The following ENTREP2 variants were observed in gnomAD, a reference collection of about 807,000 sequenced individuals.
ENTREP2 encodes the protein protein ENTREP2.
the ENTREP2 span, among the ~76,000 whole-genome samples, chr15:29,491,534 C>G: frequency 8.5e-5 from 13 of 152,200 alleles, no homozygotes; most frequent in East Asian, 2.5e-3. Context: ...CCTAGGGTCC[C>G]TAGGTTTCAT....
the ENTREP2 span, among the ~76,000 whole-genome samples, chr15:29,231,890 C>CTTTTTTTTTTTT: frequency 8.8e-5 from 12 of 136,828 alleles, no homozygotes; most frequent in South Asian, 2.3e-4. Flanking sequence ...CTTTTCTTTT[C>CTTTTTTTTTTTT]TTTCTTTTTT....
the ENTREP2 span, among the ~76,000 whole-genome samples, chr15:29,235,833 G>A: frequency 1.4e-4 from 21 of 152,066 alleles, no homozygotes; most frequent in African/African-American, 3.9e-4. Flanking sequence ...GCATGGTGGC[G>A]GGTGCCTGTA....
chr15:29,379,760 C>T, the ENTREP2 span, among the ~76,000 whole-genome samples: 1 of 152,126 alleles, frequency 6.6e-6, no homozygotes, highest in Non-Finnish European at 1.5e-5. Context: ...TGTGAGATTC[C>T]TGATGCTGAG....
chr15:29,217,828 G>C, the ENTREP2 span, among the ~76,000 whole-genome samples: 1 of 152,088 alleles, frequency 6.6e-6, no homozygotes, highest in Admixed American at 6.6e-5. Context: ...TTAAAGTTTT[G>C]TCATATTACC....
the ENTREP2 span, among the ~76,000 whole-genome samples, chr15:29,184,710 G>A: frequency 1.0e-3 from 155 of 152,270 alleles, no homozygotes; most frequent in African/African-American, 3.6e-3. Flanking sequence ...AAACCAGCCC[G>A]GGACCAGCGC....
At chr15:29,473,408 T>C in the ENTREP2 span, among the ~76,000 whole-genome samples, 2 of 152,088 alleles carry the variant, frequency 1.3e-5, no homozygotes, top group East Asian at 1.9e-4. Flanking sequence ...GTTCCCCCCA[T>C]GTAGAGGATT....
chr15:29,371,051 C>CA, the ENTREP2 span, among the ~76,000 whole-genome samples: 1 of 152,054 alleles, frequency 6.6e-6, no homozygotes, highest in African/African-American at 2.4e-5. Flanking sequence ...TCATCATCAT[C>CA]TGTCATCATC....
the ENTREP2 span, among the ~76,000 whole-genome samples, chr15:29,589,326 T>G: frequency 6.6e-6 from 1 of 152,238 alleles, no homozygotes; most frequent in Non-Finnish European, 1.5e-5. Flanking sequence ...CAGAGCATGT[T>G]TGTTTACAAT....
the ENTREP2 span, among the ~76,000 whole-genome samples, chr15:29,382,921 C>T: frequency 6.6e-6 from 1 of 152,200 alleles, no homozygotes; most frequent in African/African-American, 2.4e-5. Flanking sequence ...CCAAGTGCGA[C>T]AGACAAAGCT....
the ENTREP2 span, among the ~76,000 whole-genome samples, chr15:29,349,680 C>G: frequency 6.6e-6 from 1 of 152,058 alleles, no homozygotes; most frequent in African/African-American, 2.4e-5. Context: ...GGTGGATTAC[C>G]TGAGCTCAGG....
At chr15:29,674,788 A>G in the ENTREP2 span, among the ~76,000 whole-genome samples, 2 of 150,242 alleles carry the variant, frequency 1.3e-5, no homozygotes, top group Non-Finnish European at 3.0e-5. Flanking sequence ...GGCGCGGAGG[A>G]AGGGGCGGGC....
the ENTREP2 span, among the ~76,000 whole-genome samples, chr15:29,663,709 GT>G: frequency 6.6e-6 from 1 of 152,092 alleles, no homozygotes; most frequent in African/African-American, 2.4e-5. Flanking sequence ...CCCGCGGCCT[GT>G]TGTGGGGGAG....
the ENTREP2 span, among the ~76,000 whole-genome samples, chr15:29,524,663 G>A: frequency 8.0e-3 from 1,223 of 152,302 alleles, 12 homozygotes; most frequent in African/African-American, 0.028. Flanking sequence ...TAGCCCAGTC[G>A]GAAGCAGCAA....
chr15:29,579,999 C>T, the ENTREP2 span, among the ~76,000 whole-genome samples: 6 of 151,988 alleles, frequency 3.9e-5, no homozygotes, highest in South Asian at 6.2e-4. Flanking sequence ...TGTGAGCCAC[C>T]GCGCCCGGCC....
At chr15:29,119,060 G>C in the ENTREP2 span, among the ~76,000 whole-genome samples, 5 of 152,152 alleles carry the variant, frequency 3.3e-5, 1 homozygote, top group Admixed American at 3.3e-4. Context: ...TAGCCGCCCA[G>C]AGGGTGTGGG....
chr15:29,629,754 G>GT, the ENTREP2 span, among the ~76,000 whole-genome samples: 2 of 151,930 alleles, frequency 1.3e-5, no homozygotes, highest in African/African-American at 4.8e-5. Context: ...CTTTCATTCT[G>GT]TATTTCCTTT....
chr15:29,488,047 C>T, the ENTREP2 span, among the ~76,000 whole-genome samples: 2 of 152,144 alleles, frequency 1.3e-5, no homozygotes, highest in African/African-American at 2.4e-5. Context: ...GAAAATATGG[C>T]TCATTCACAT....
chr15:29,191,695 G>T, the ENTREP2 span, among the ~76,000 whole-genome samples: 1 of 152,164 alleles, frequency 6.6e-6, no homozygotes, highest in East Asian at 1.9e-4. Context: ...AAGGCAGCAG[G>T]ATCACTTGAG....
At chr15:29,388,819 A>G in the ENTREP2 span, among the ~76,000 whole-genome samples, 1 of 152,100 alleles carries the variant, frequency 6.6e-6, no homozygotes, top group Non-Finnish European at 1.5e-5. Context: ...TTGTAGAGAC[A>G]TGGATGAAGC....
Sources: gnomAD v4.1 joint callset for allele counts (sites outside exome capture counted in the v4.1 genomes callset) on GRCh38, gnomAD v4.1.1 for gene constraint, MANE v1.5 for transcripts, NCBI Gene and HGNC (gene_info 2026-07-23, HGNC 2026-07-21) for gene names.